Variants in XYLT1 observed in about 807,000 individuals in gnomAD.
XYLT1 encodes xylosyltransferase 1, also known as beta-D-xylosyltransferase 1.
A neutral mutation model predicts 91.3 loss-of-function variants in XYLT1; 36 were observed. The observed-to-expected ratio is 0.39, with a 90% CI of 0.30 to 0.52. The LOEUF (loss-of-function observed/expected upper bound fraction) is 0.52, where lower values mean the gene tolerates loss of function less well. Among genes scored for constraint, XYLT1 ranks in the 20% least tolerant of loss-of-function variants. The pLI is 0.68. For synonymous variants in XYLT1, 588 were observed against 532.0 expected (o/e 1.11, Z -1.45); for missense variants, 1,242 against 1,284.5 (o/e 0.97, Z 0.51).
chr16:17,320,300 G>A (rs1219277796), intron 2 of XYLT1, among the ~76,000 whole-genome samples: 2 of 152,120 alleles, frequency 1.3e-5, no homozygotes, highest in African/African-American at 4.8e-5. Flanking sequence ...TTGATGAGGG[G>A]ATGGGTGAAA....
At chr16:17,381,856 G>C (rs2035685336) in intron 1 of XYLT1, among the ~76,000 whole-genome samples, 1 of 152,154 alleles carries the variant, frequency 6.6e-6, no homozygotes, top group Admixed American at 6.6e-5. Flanking sequence ...AAGATTTCTA[G>C]GAATGAATTT....
In XYLT1 at chr16:17,117,885, C is replaced by A. The variant is rs1429553608; in HGVS notation, c.2318G>T (p.Gly773Val). 1.2e-6 allele frequency: 2 copies of A among 1,614,078 alleles called. No homozygotes were observed. ...GGTCACGGTCACATTAGGTCCCTTC[C>A]CCCACTTCTGCATACCCACCGGCTC... Reference protein sequence around the residue: ...MDEPVGMQKWGKGPNVTVTVI... With the variant: ...MDEPVGMQKWVKGPNVTVTVI... The change falls in exon 11 of 12, where the codon GGG (glycine) becomes GTG (valine). Residue 773 changes from glycine to valine, a missense_variant. Coordinates refer to ENST00000261381, the MANE Select transcript of XYLT1 (RefSeq NM_022166.4).
intron 1 of XYLT1, among the ~76,000 whole-genome samples, chr16:17,456,332 CTTTTTTTTTTTTT>C (rs869026409): frequency 8.8e-6 from 1 of 114,176 alleles, no homozygotes; most frequent in African/African-American, 3.8e-5. Flanking sequence ...CAGTACAAAC[CTTTTTTTTTTTTT>C]TTTTTTTTTG....
chr16:17,251,042 C>T (rs11075344), intron 3 of XYLT1: 36,178 of 152,174 alleles, frequency 0.24, 4,588 homozygotes, highest in South Asian at 0.36. Context: ...CTGTCAGCTA[C>T]GCTTTCTAGA....
intron 2 of XYLT1, chr16:17,355,413 C>T (rs1457318761): frequency 2.0e-5 from 3 of 152,210 alleles, no homozygotes; most frequent in East Asian, 1.9e-4. Flanking sequence ...ATAGGGTATC[C>T]TTCTGGGGAA....
At chr16:17,385,269 TACACACAC>T (rs566134163) in intron 1 of XYLT1, among the ~76,000 whole-genome samples, 2,176 of 119,990 alleles carry the variant, frequency 0.018, 54 homozygotes, top group African/African-American at 0.051. Context: ...TAAACACACA[TACACACAC>T]ACACACACAC....
intron 2 of XYLT1, among the ~76,000 whole-genome samples, chr16:17,275,445 T>C (rs1032426439): frequency 6.6e-5 from 10 of 152,070 alleles, no homozygotes; most frequent in Non-Finnish European, 1.5e-4. Flanking sequence ...AAGCAATCAC[T>C]AAGTGAGCTG....
In XYLT1 at chr16:17,438,759, T is replaced by C. The variant is rs546528605; in HGVS notation, c.363+31675A>G. Among the ~76,000 whole-genome samples the C allele has an allele frequency of 7.9e-5, 12 of 152,048 alleles. No homozygotes were observed. In the South Asian group the frequency reaches 1.9e-3, roughly 24 times the overall value. On this transcript the variant is annotated intron_variant, in intron 1 of 11. Transcript: ENST00000261381. ...AGAGAGAGAGTGAAGGGGGAGGTGC[T>C]ACACACTTCGAAACCATCAGATCTC...
At chr16:17,330,913 A>C (rs960756371) in intron 2 of XYLT1, among the ~76,000 whole-genome samples, 5 of 152,152 alleles carry the variant, frequency 3.3e-5, no homozygotes, top group South Asian at 2.1e-4. Context: ...AGTTTCAGGG[A>C]CTGCTGCCCT....
At chr16:17,310,691 A>T (rs2034534606) in intron 2 of XYLT1, among the ~76,000 whole-genome samples, 1 of 152,154 alleles carries the variant, frequency 6.6e-6, no homozygotes. Flanking sequence ...TCTACTAAAA[A>T]TACAAAAATT....
intron 3 of XYLT1, among the ~76,000 whole-genome samples, chr16:17,241,859 C>A (rs1163348033): frequency 6.6e-6 from 1 of 152,194 alleles, no homozygotes; most frequent in Non-Finnish European, 1.5e-5. Context: ...GTCTTTCACA[C>A]TGTTGATAGA....
chr16:17,130,067 G>T (rs1478048204), intron 9 of XYLT1, among the ~76,000 whole-genome samples: 3 of 152,192 alleles, frequency 2.0e-5, no homozygotes, highest in Non-Finnish European at 4.4e-5. Context: ...AGCATGCCTG[G>T]GCTAGCTTGC....
chr16:17,342,352 C>A (rs1230107683), intron 2 of XYLT1, among the ~76,000 whole-genome samples: 1 of 152,226 alleles, frequency 6.6e-6, no homozygotes, highest in African/African-American at 2.4e-5. Flanking sequence ...CTATCTCCAA[C>A]TGGCCTTACC....
chr16:17,443,798 A>T (rs2141943823), intron 1 of XYLT1, among the ~76,000 whole-genome samples: 1 of 152,322 alleles, frequency 6.6e-6, no homozygotes, highest in African/African-American at 2.4e-5. Flanking sequence ...ATCCAATCCA[A>T]ACTGCTTTGC....
intron 2 of XYLT1, among the ~76,000 whole-genome samples, chr16:17,342,693 G>A (rs930376799): frequency 1.3e-5 from 2 of 151,964 alleles, no homozygotes; most frequent in Admixed American, 1.3e-4. Context: ...TTGCACTCCA[G>A]CCTGGGCAAC....
intron 8 of XYLT1, 39 bp from the exon 9 acceptor site, chr16:17,134,774 C>A (rs182063388): frequency 1.2e-6 from 2 of 1,606,440 alleles, no homozygotes; most frequent in South Asian, 1.1e-5. Context: ...GCCACATCAG[C>A]GAGTGCTGGG....
chr16:17,355,590 GT>G (rs148702996), intron 2 of XYLT1, among the ~76,000 whole-genome samples: 6 of 152,290 alleles, frequency 3.9e-5, no homozygotes, highest in African/African-American at 1.4e-4. Context: ...TATTTTCACA[GT>G]TTAATATCTA....
intron 2 of XYLT1, among the ~76,000 whole-genome samples, chr16:17,309,370 A>C (rs1436287358): frequency 1.3e-5 from 2 of 152,196 alleles, no homozygotes; most frequent in African/African-American, 2.4e-5. Flanking sequence ...AGTGTCTGAC[A>C]CACCGTGGGT....
chr16:17,465,971 C>T (rs1400145146), intron 1 of XYLT1, among the ~76,000 whole-genome samples: 1 of 152,166 alleles, frequency 6.6e-6, no homozygotes, highest in African/African-American at 2.4e-5. Flanking sequence ...AGGAGGTGAA[C>T]CCAGGTATGT....
Sources: gnomAD v4.1 joint callset for allele counts (sites outside exome capture counted in the v4.1 genomes callset) on GRCh38, gnomAD v4.1.1 for gene constraint, MANE v1.5 for transcripts, NCBI Gene and HGNC (gene_info 2026-07-23, HGNC 2026-07-21) for gene names.